The following SGCZ variants were observed in gnomAD, a reference collection of about 807,000 sequenced individuals.
SGCZ encodes the protein zeta-sarcoglycan.
A neutral mutation model predicts 41.3 loss-of-function variants in SGCZ; 40 were observed. That is an observed-to-expected ratio of 0.97 (90% CI 0.75 to 1.26). SGCZ has a LOEUF of 1.26. Ranked by LOEUF, SGCZ falls within the 50% of genes most tolerant of loss-of-function variation. The pLI is 0.00. For synonymous variants in SGCZ, 206 were observed against 137.5 expected, an observed-to-expected ratio of 1.50 and a Z score of -3.49; for missense variants, 552 against 369.8, an observed-to-expected ratio of 1.49 and a Z score of -4.04.
At chr8:15,138,828 G>A (rs1178656200) in intron 1 of SGCZ, among the ~76,000 whole-genome samples, 1 of 152,192 alleles carries the variant, frequency 6.6e-6, no homozygotes, top group African/African-American at 2.4e-5. Context: ...TTTAAACCAT[G>A]TGGCTCAGGA....
At chr8:14,748,571 G>C (rs562718053) in intron 1 of SGCZ, among the ~76,000 whole-genome samples, 2 of 152,018 alleles carry the variant, frequency 1.3e-5, no homozygotes, top group Non-Finnish European at 2.9e-5. Flanking sequence ...GGAATATTTC[G>C]GCATGTTTCT....
At chr8:14,866,221 C>A (rs1199344550) in intron 1 of SGCZ, among the ~76,000 whole-genome samples, 1 of 152,020 alleles carries the variant, frequency 6.6e-6, no homozygotes, top group Non-Finnish European at 1.5e-5. Flanking sequence ...GCAAAATTTT[C>A]AAACTTGTTC....
intron 1 of SGCZ, among the ~76,000 whole-genome samples, chr8:14,893,516 G>A (rs1331956759): frequency 6.6e-6 from 1 of 152,152 alleles, no homozygotes; most frequent in East Asian, 1.9e-4. Context: ...TCTCTTTTCA[G>A]GGGACGTAGA....
At chr8:15,054,197 T>C (rs1474671121) in intron 1 of SGCZ, among the ~76,000 whole-genome samples, 2 of 152,182 alleles carry the variant, frequency 1.3e-5, no homozygotes, top group Non-Finnish European at 2.9e-5. Context: ...CAAATAATAA[T>C]TGCTTATTTT....
intron 1 of SGCZ, among the ~76,000 whole-genome samples, chr8:14,936,007 G>T (rs76337250): frequency 0.048 from 7,280 of 151,888 alleles, 232 homozygotes; most frequent in Admixed American, 0.076. Flanking sequence ...GCGATTAAAT[G>T]ATCGATTCAC....
intron 1 of SGCZ, among the ~76,000 whole-genome samples, chr8:14,963,338 CTTTT>C (rs34842580): frequency 6.9e-6 from 1 of 145,622 alleles, no homozygotes; most frequent in Admixed American, 6.8e-5. Flanking sequence ...TCTTTTTCTT[CTTTT>C]TTTTTTTTTG....
intron 4 of SGCZ, among the ~76,000 whole-genome samples, chr8:14,202,055 G>A (rs985559496): frequency 2.0e-5 from 3 of 152,148 alleles, no homozygotes; most frequent in South Asian, 4.1e-4. Context: ...CTGCTACAAT[G>A]GTTGCAGATA....
chr8:14,754,031 A>T (rs1222081447), intron 1 of SGCZ, among the ~76,000 whole-genome samples: 2 of 152,148 alleles, frequency 1.3e-5, no homozygotes, highest in African/African-American at 4.8e-5. Context: ...GGAAAAAAAA[A>T]GTTTGTTGCT....
At chr8:14,259,826 A>G (rs1362496616) in intron 3 of SGCZ, among the ~76,000 whole-genome samples, 1 of 151,234 alleles carries the variant, frequency 6.6e-6, no homozygotes, top group Non-Finnish European at 1.5e-5. Context: ...ACTTTAAAGT[A>G]GTTTTTTCCA....
intron 2 of SGCZ, among the ~76,000 whole-genome samples, chr8:14,526,209 T>C (rs909658388): frequency 2.6e-5 from 4 of 152,112 alleles, no homozygotes; most frequent in East Asian, 1.9e-4. Context: ...ATTACATAAG[T>C]GTAATATTTG....
At chr8:14,937,460 T>A (rs1055328804) in intron 1 of SGCZ, among the ~76,000 whole-genome samples, 1 of 152,022 alleles carries the variant, frequency 6.6e-6, no homozygotes, top group African/African-American at 2.4e-5. Context: ...ATGATTCCAA[T>A]GCCTTCATAA....
At chr8:14,234,355 G>C (rs1309531341) in intron 4 of SGCZ, among the ~76,000 whole-genome samples, 1 of 151,932 alleles carries the variant, frequency 6.6e-6, no homozygotes, top group African/African-American at 2.4e-5. Flanking sequence ...GGCTTACAGA[G>C]AAAGAAAAAG....
chr8:15,093,303 T>C (rs1389630525), intron 1 of SGCZ, among the ~76,000 whole-genome samples: 3 of 152,262 alleles, frequency 2.0e-5, no homozygotes, highest in Non-Finnish European at 2.9e-5. Flanking sequence ...CTGAGTCATT[T>C]GTACTTCTCA....
chr8:15,138,134 C>T (rs1367789008), intron 1 of SGCZ, among the ~76,000 whole-genome samples: 1 of 152,176 alleles, frequency 6.6e-6, no homozygotes, highest in South Asian at 2.1e-4. Context: ...TAAGGTTTAA[C>T]GAATGCCTTA....
chr8:15,173,719 T>G (rs1245178762), intron 1 of SGCZ, among the ~76,000 whole-genome samples: 4 of 152,194 alleles, frequency 2.6e-5, no homozygotes, highest in African/African-American at 9.7e-5. Context: ...AGTTTTTAAT[T>G]GGCATTTTCT....
intron 2 of SGCZ, among the ~76,000 whole-genome samples, chr8:14,445,786 T>G (rs563003679): frequency 6.6e-6 from 1 of 152,144 alleles, no homozygotes; most frequent in Non-Finnish European, 1.5e-5. Context: ...CTGCAGACAG[T>G]GGAGTTAGGA....
At chr8:14,390,284 T>G (rs1804722165) in intron 2 of SGCZ, among the ~76,000 whole-genome samples, 1 of 151,870 alleles carries the variant, frequency 6.6e-6, no homozygotes, top group Admixed American at 6.6e-5. Context: ...TAAAATTTGT[T>G]TCTAATAAAA....
intron 2 of SGCZ, among the ~76,000 whole-genome samples, chr8:14,542,315 A>G (rs946880506): frequency 7.2e-5 from 11 of 152,064 alleles, no homozygotes; most frequent in African/African-American, 2.7e-4. Flanking sequence ...CAGAGATTAC[A>G]TTTGCCTCTT....
chr8:14,689,572 T>G (rs1460914194), intron 1 of SGCZ, among the ~76,000 whole-genome samples: 1 of 152,164 alleles, frequency 6.6e-6, no homozygotes, highest in Non-Finnish European at 1.5e-5. Context: ...ACTAACATAA[T>G]TAAATTCTAG....
Sources: gnomAD v4.1 joint callset for allele counts (sites outside exome capture counted in the v4.1 genomes callset) on GRCh38, gnomAD v4.1.1 for gene constraint, MANE v1.5 for transcripts, NCBI Gene and HGNC (gene_info 2026-07-23, HGNC 2026-07-21) for gene names.